Variants in STEAP1B observed in about 807,000 individuals in gnomAD.
The protein encoded by STEAP1B is STEAP family member 1B.
A neutral mutation model predicts 27.9 loss-of-function variants in STEAP1B; 13 were observed. The observed-to-expected ratio is 0.47, with a 90% CI of 0.30 to 0.74. The LOEUF (loss-of-function observed/expected upper bound fraction) is 0.74, where lower values mean the gene tolerates loss of function less well. Among genes scored for constraint, STEAP1B ranks in the 30% least tolerant of loss-of-function variants. The pLI, the probability that STEAP1B is intolerant of heterozygous loss-of-function variation, is 0.06. For missense variants in STEAP1B, 250 were observed against 298.7 expected, an observed-to-expected ratio of 0.84 and a Z score of 1.20; for synonymous variants, 86 against 107.1, an observed-to-expected ratio of 0.80 and a Z score of 1.22.
chr7:22,444,979 G>A (rs1465185211), intron 4 of STEAP1B, among the ~76,000 whole-genome samples: 3 of 152,200 alleles, frequency 2.0e-5, no homozygotes, highest in African/African-American at 7.2e-5. Context: ...GTGGCACAAG[G>A]AGAGCTGTTA....
In STEAP1B at chr7:22,492,448, C is replaced by T. The variant is rs981720264; in HGVS notation, c.762+117G>A. ...AGCACATTATTAACTGGAACAAGTA[C>T]AAGATCTTTGCTGTTGAAAAACATT... On this transcript the variant is annotated intron_variant, in intron 4 of 4. Coordinates refer to ENST00000678116, the MANE Select transcript of STEAP1B (RefSeq NM_001382447.1). The T allele has an allele frequency of 4.4e-6, 6 of 1,367,040 alleles. No homozygotes were observed. In the African/African-American group the frequency reaches 9.0e-5, roughly 20 times the overall value. 84.7% of individuals were successfully genotyped at this position (1,367,040 alleles called of 1,614,324 possible).
chr7:22,477,987 T>C (rs1786002370), intron 4 of STEAP1B, among the ~76,000 whole-genome samples: 5 of 152,134 alleles, frequency 3.3e-5, no homozygotes, highest in Admixed American at 1.3e-4. Context: ...CGTGCCAAGG[T>C]GCTGTGCTGC....
At chr7:22,481,627 G>A (rs1477274454) in intron 4 of STEAP1B, among the ~76,000 whole-genome samples, 1 of 152,156 alleles carries the variant, frequency 6.6e-6, no homozygotes, top group Non-Finnish European at 1.5e-5. Context: ...CCATCTGATG[G>A]CAGAAAATAG....
chr7:22,420,895 A>T (rs1028492174), intron 4 of STEAP1B, among the ~76,000 whole-genome samples: 3 of 152,198 alleles, frequency 2.0e-5, no homozygotes, highest in African/African-American at 7.2e-5. Context: ...AGAATAGGGA[A>T]ATTATCCCAG....
intron 4 of STEAP1B, among the ~76,000 whole-genome samples, chr7:22,444,730 T>C (rs1305173762): frequency 6.6e-6 from 1 of 152,226 alleles, no homozygotes; most frequent in Non-Finnish European, 1.5e-5. Flanking sequence ...AGTGAAACCC[T>C]TTCCGGAACA....
chr7:22,493,357 G>C lies in STEAP1B; in HGVS notation c.564C>G (p.Tyr188Ter). 6.2e-7 allele frequency: 1 copy of C among 1,613,920 alleles called. No homozygotes were observed. The highest frequency in any genetic ancestry group is 8.5e-7 in the Non-Finnish European group (1 of 1,179,812). ...ATGCCCAGTTTAGCAACTTGTATCT[G>C]TAGGATCGCCTCATTGCGTAAGACA... is the stretch of plus-strand genomic sequence containing the variant. ...YTLSYAMRRS[Y>*]RYKLLNWAYQ... Residue 188 changes from tyrosine to a stop codon, truncating the protein, a stop_gained, in exon 3 of 5, where the codon TAC becomes TAG. Coordinates refer to ENST00000678116, the MANE Select transcript of STEAP1B (RefSeq NM_001382447.1). LOFTEE classifies it high-confidence loss of function.
chr7:22,446,533 G>C (rs1275110225), intron 4 of STEAP1B, among the ~76,000 whole-genome samples: 1 of 152,204 alleles, frequency 6.6e-6, no homozygotes, highest in Admixed American at 6.5e-5. Context: ...GATAAACACT[G>C]CCCTAAGATT....
At chr7:22,426,133 C>G (rs1425833607) in intron 4 of STEAP1B, among the ~76,000 whole-genome samples, 3 of 152,140 alleles carry the variant, frequency 2.0e-5, no homozygotes, top group African/African-American at 7.2e-5. Context: ...CTGGTCTTAG[C>G]AATTTCATTT....
chr7:22,428,517 A>G (rs540577142), intron 4 of STEAP1B, among the ~76,000 whole-genome samples: 1 of 3,222 alleles, frequency 3.1e-4, no homozygotes, highest in South Asian at 0.17. Context: ...AGAAAGAGAA[A>G]GGAGGAAAGA....
At chr7:22,499,156 T>C (rs2128419986) in intron 1 of STEAP1B, among the ~76,000 whole-genome samples, 1 of 152,346 alleles carries the variant, frequency 6.6e-6, no homozygotes, top group East Asian at 1.9e-4. Flanking sequence ...TTTAAAAAAG[T>C]GGAGCACATT....
chr7:22,431,118 A>G (rs140902019), intron 4 of STEAP1B, among the ~76,000 whole-genome samples: 207 of 152,350 alleles, frequency 1.4e-3, no homozygotes, highest in African/African-American at 4.5e-3. Flanking sequence ...ACTTGAACTC[A>G]AATTGACCTA....
chr7:22,483,491 G>GT (rs1048250609), intron 4 of STEAP1B, among the ~76,000 whole-genome samples: 2 of 152,090 alleles, frequency 1.3e-5, no homozygotes, highest in East Asian at 1.9e-4. Flanking sequence ...TTTTGGTTTT[G>GT]TTTTTTTAAC....
intron 1 of STEAP1B, among the ~76,000 whole-genome samples, chr7:22,497,739 T>C (rs1184789050): frequency 6.6e-6 from 1 of 152,176 alleles, no homozygotes; most frequent in African/African-American, 2.4e-5. Flanking sequence ...TGGGTAATTA[T>C]TATAAAGAAA....
intron 4 of STEAP1B, among the ~76,000 whole-genome samples, chr7:22,443,886 T>C (rs1011583668): frequency 6.6e-6 from 1 of 152,338 alleles, no homozygotes; most frequent in East Asian, 1.9e-4. Context: ...GAACAAGCTC[T>C]GGGCCAGAGA....
At chr7:22,499,382 G>GTTTTTT (rs762539777) in intron 1 of STEAP1B, among the ~76,000 whole-genome samples, 1,878 of 149,912 alleles carry the variant, frequency 0.013, 45 homozygotes, top group African/African-American at 0.044. Flanking sequence ...AGTTTTTTGG[G>GTTTTTT]TTTTTTTTTC....
At chr7:22,490,348 T>C (rs1309856610) in intron 4 of STEAP1B, among the ~76,000 whole-genome samples, 2 of 152,206 alleles carry the variant, frequency 1.3e-5, no homozygotes, top group Non-Finnish European at 2.9e-5. Flanking sequence ...TATGCCTCTA[T>C]GTAAGCCCTC....
chr7:22,442,971 A>T (rs1785356769), intron 4 of STEAP1B, among the ~76,000 whole-genome samples: 1 of 152,172 alleles, frequency 6.6e-6, no homozygotes, highest in Admixed American at 6.5e-5. Flanking sequence ...CAATCAAAAA[A>T]GCTGATGGCT....
At chr7:22,495,892 A>G (rs1198889421) in intron 1 of STEAP1B, among the ~76,000 whole-genome samples, 2 of 152,220 alleles carry the variant, frequency 1.3e-5, no homozygotes, top group Admixed American at 6.5e-5. Context: ...AAAAATTCCT[A>G]TTGCCTAATA....
At chr7:22,468,043 A>G (rs937577434) in intron 4 of STEAP1B, among the ~76,000 whole-genome samples, 2 of 152,178 alleles carry the variant, frequency 1.3e-5, no homozygotes, top group Non-Finnish European at 2.9e-5. Context: ...CTCAGGACAT[A>G]TTTCTGCTAA....
Sources: allele counts gnomAD v4.1 joint callset (sites outside exome capture counted in the v4.1 genomes callset), GRCh38; gene constraint gnomAD v4.1.1; transcripts MANE v1.5; gene names NCBI Gene and HGNC (gene_info 2026-07-23, HGNC 2026-07-21).